Variants in EIF2AK2 observed in about 807,000 individuals in gnomAD.
EIF2AK2 encodes the protein interferon-induced, double-stranded RNA-activated protein kinase.
In EIF2AK2, 40 loss-of-function variants were observed where a neutral mutation model predicts 70.5. The observed-to-expected ratio is 0.57, with a 90% confidence interval of 0.44 to 0.74. The LOEUF (loss-of-function observed/expected upper bound fraction) is 0.74, where lower values mean the gene tolerates loss of function less well. EIF2AK2 is among the 30% of genes least tolerant of loss of function. EIF2AK2 has a pLI of 0.00. For missense variants in EIF2AK2, 555 were observed against 644.3 expected, an observed-to-expected ratio of 0.86 and a Z score of 1.50; for synonymous variants, 198 against 220.9, an observed-to-expected ratio of 0.90 and a Z score of 0.92.
chr2:37,122,854 G>A (rs1674603518), intron 11 of EIF2AK2, among the ~76,000 whole-genome samples, 190 bp from the exon 12 acceptor site: 1 of 152,118 alleles, frequency 6.6e-6, no homozygotes, highest in Non-Finnish European at 1.5e-5. Context: ...AAACATAGCA[G>A]TTCTCACTCT....
At chr2:37,120,203 A>G (rs1297952576) in intron 12 of EIF2AK2, 64 bp from the exon 13 acceptor site, 10 of 1,082,144 alleles carry the variant, frequency 9.2e-6, no homozygotes, top group African/African-American at 1.6e-5. Context: ...AAAATTTTTT[A>G]TAACTTTTTA....
At chr2:37,154,480 A>C (rs1172072704) in intron 1 of EIF2AK2, among the ~76,000 whole-genome samples, 1 of 152,122 alleles carries the variant, frequency 6.6e-6, no homozygotes, top group East Asian at 1.9e-4. Flanking sequence ...TACTTGACTT[A>C]CAACCAGCAT....
intron 13 of EIF2AK2, 99 bp downstream of exon 13, chr2:37,119,860 G>T: frequency 1.5e-6 from 1 of 685,092 alleles, no homozygotes; most frequent in Non-Finnish European, 2.0e-6. Flanking sequence ...CCAAAGTGTT[G>T]AGATTATAGG....
Position 37,122,531 on chromosome 2 carries a change from GATCATA to G in EIF2AK2, c.1036_1041del (p.Tyr346_Asp347del). On this transcript the variant is annotated inframe_deletion, in exon 12 of 17. Coordinates refer to ENST00000233057, the MANE Select transcript of EIF2AK2 (RefSeq NM_001135651.3). ...CTTGAACTATTTTTGCTGTTCTCAG[GATCATA>G]ATCACTGCTCTCAAGAGAATCATCA... The G allele has an allele frequency of 6.2e-7, 1 of 1,613,504 alleles. No homozygotes were observed. The highest frequency in any genetic ancestry group is 8.5e-7 in the Non-Finnish European group (1 of 1,179,894).
At chr2:37,130,589 T>A (rs1259936495) in intron 10 of EIF2AK2, among the ~76,000 whole-genome samples, 3 of 152,194 alleles carry the variant, frequency 2.0e-5, no homozygotes, top group African/African-American at 7.2e-5. Flanking sequence ...ACTAGCTATT[T>A]CTCTGCATTA....
intron 10 of EIF2AK2, among the ~76,000 whole-genome samples, chr2:37,129,843 G>C (rs910032667): frequency 3.3e-5 from 5 of 152,066 alleles, no homozygotes; most frequent in African/African-American, 1.2e-4. Flanking sequence ...CTACACCAAA[G>C]CTACCCCTAT....
chr2:37,122,021 T>C (rs1674571484), intron 12 of EIF2AK2, among the ~76,000 whole-genome samples: 1 of 152,122 alleles, frequency 6.6e-6, no homozygotes, highest in African/African-American at 2.4e-5. Context: ...TAAAAATATT[T>C]TCACTCCCCA....
rs1381479896 is a variant in EIF2AK2, at chr2:37,120,088, G to T, written c.1119C>A (p.Thr373=). The change falls in exon 13 of 17, where the codon ACC becomes ACA. Residue 373 remains threonine (T), a synonymous_variant. Transcript: ENST00000233057. ...FIQMEFCDKG[T]LEQWIEKRRG... ...TTCTTTTTTCAATCCATTGTTCCAA[G>T]GTCCCTTTATCACAGAATTCCATTT... The T allele has an allele frequency of 6.6e-7, 1 of 1,512,548 alleles. No homozygotes were observed. Among genetic ancestry groups the T allele is most frequent in the Non-Finnish European group, 8.9e-7 (1 of 1,124,676 alleles). The allele number at this position is 1,512,548 out of a possible 1,614,324, so 93.7% of individuals were successfully genotyped here.
chr2:37,153,337 C>CTCTTTTTTTTT (rs777537067), intron 1 of EIF2AK2, among the ~76,000 whole-genome samples: 1,226 of 109,572 alleles, frequency 0.011, 72 homozygotes, highest in East Asian at 0.026. Context: ...CTCTGCTAAT[C>CTCTTTTTTTTT]TTTTTTTTTT....
chr2:37,146,522 T>C (rs2148711194), intron 4 of EIF2AK2, among the ~76,000 whole-genome samples: 1 of 152,320 alleles, frequency 6.6e-6, no homozygotes, highest in South Asian at 2.1e-4. Flanking sequence ...TTACTGTACT[T>C]CCTCATTTAG....
chr2:37,116,724 G>A (rs1674354574), intron 13 of EIF2AK2, among the ~76,000 whole-genome samples: 1 of 152,208 alleles, frequency 6.6e-6, no homozygotes, highest in Non-Finnish European at 1.5e-5. Context: ...GATGTGGAGA[G>A]AAAACATTCC....
At chr2:37,132,511 C>T (rs1375640548) in intron 10 of EIF2AK2, among the ~76,000 whole-genome samples, 1 of 152,182 alleles carries the variant, frequency 6.6e-6, no homozygotes, top group Non-Finnish European at 1.5e-5. Flanking sequence ...ATCGCTTGAA[C>T]CCCAGAGGCA....
In EIF2AK2 at chr2:37,102,483, G is replaced by A. The variant is rs1452437113; in HGVS notation, c.*4790C>T. The A allele has an allele frequency of 6.6e-6, 1 of 152,042 alleles. No individual in the cohort carries two copies. Among genetic ancestry groups the A allele is most frequent in the African/African-American group, 2.4e-5 (1 of 41,328 alleles). 9.4% of individuals were successfully genotyped at this position (152,042 alleles called of 1,614,324 possible). On this transcript the variant is annotated 3_prime_UTR_variant, in exon 17 of 17. Transcript: ENST00000233057. ...CTCAAATTATGGTGAACACTCAGTG[G>A]GGACTGCATATTGTGAGTTATGTCT...
intron 1 of EIF2AK2, among the ~76,000 whole-genome samples, chr2:37,151,923 G>A (rs973025183): frequency 2.6e-5 from 4 of 152,176 alleles, no homozygotes; most frequent in African/African-American, 7.2e-5. Flanking sequence ...AAAATTAGCC[G>A]GGCGCGGTGG....
intron 8 of EIF2AK2, among the ~76,000 whole-genome samples, chr2:37,137,635 TTTTAAG>T (rs1340758183): frequency 6.6e-6 from 1 of 152,228 alleles, no homozygotes; most frequent in Non-Finnish European, 1.5e-5. Flanking sequence ...TCAAGTTTAC[TTTTAAG>T]TTTAATTCTA....
At chr2:37,113,613 C>T (rs892196497) in intron 14 of EIF2AK2, among the ~76,000 whole-genome samples, 16 of 151,260 alleles carry the variant, frequency 1.1e-4, no homozygotes, top group African/African-American at 2.7e-4. Context: ...GATCAACACC[C>T]AATATAGATC....
chr2:37,129,530 TC>T (rs1674868208), intron 10 of EIF2AK2, among the ~76,000 whole-genome samples: 1 of 152,084 alleles, frequency 6.6e-6, no homozygotes, highest in African/African-American at 2.4e-5. Flanking sequence ...CGCCCCCACA[TC>T]TAGTGAGTCC....
chr2:37,135,628 C>T (rs1675101450), intron 9 of EIF2AK2, 82 bp from the exon 10 acceptor site: 1 of 1,353,310 alleles, frequency 7.4e-7, no homozygotes, highest in African/African-American at 1.5e-5. Context: ...TAACCTTTTT[C>T]TTTCTTTTTT....
chr2:37,126,751 G>C (rs940459137), intron 10 of EIF2AK2, among the ~76,000 whole-genome samples: 19 of 152,012 alleles, frequency 1.2e-4, no homozygotes, highest in Admixed American at 5.2e-4. Flanking sequence ...GAAGTCAGGA[G>C]TTCAAGACCA....
Sources: gnomAD v4.1 joint callset for allele counts (sites outside exome capture counted in the v4.1 genomes callset) on GRCh38, gnomAD v4.1.1 for gene constraint, MANE v1.5 for transcripts, NCBI Gene and HGNC (gene_info 2026-07-23, HGNC 2026-07-21) for gene names.